The following PCDHB9 variants were observed in gnomAD, a reference collection of about 807,000 sequenced individuals.
PCDHB9 encodes the protein protocadherin beta-9.
For missense variants in PCDHB9, 1,072 were observed against 995.1 expected (o/e 1.08, Z -1.04); for synonymous variants, 501 against 439.7 (o/e 1.14, Z -1.75).
Position 141,188,359 on chromosome 5 carries a change from G to T in PCDHB9, c.1041G>T (p.Leu347=), listed in dbSNP as rs1391369523. 6.2e-7 allele frequency: 1 copy of T among 1,614,136 alleles called. No individual in the cohort carries two copies. Among genetic ancestry groups the T allele is most frequent in the Admixed American group, 1.7e-5 (1 of 60,020 alleles). The change falls in exon 1 of 1, where the codon CTG becomes CTT. Residue 347 remains leucine (L), a synonymous_variant. Coordinates refer to ENST00000316105, the MANE Select transcript of PCDHB9 (RefSeq NM_019119.5). Reference sequence around the variant, plus strand: ...ATTCCAATGACAATCCTCCTGAACTGATCATATCATCACTTTCCAACTCTG... The same window carrying T: ...ATTCCAATGACAATCCTCCTGAACTTATCATATCATCACTTTCCAACTCTG... ...VLDSNDNPPE[L]IISSLSNSVA... is the part of the protein sequence containing the mutation.
Position 141,189,050 on chromosome 5 carries a change from C to A in PCDHB9, c.1732C>A (p.Arg578=), listed in dbSNP as rs782334127. 1 of 1,607,444 alleles carries A rather than the reference C, an allele frequency of 6.2e-7. No homozygotes were observed. The highest frequency in any genetic ancestry group is 8.5e-7 in the Non-Finnish European group (1 of 1,179,120). Reference sequence around the variant, plus strand: ...CGCGCCCTGCACCGAGCTGGTGCCCCGGGCGGCCGAGCCGGGCTACCTGGT... The same window carrying A: ...CGCGCCCTGCACCGAGCTGGTGCCCAGGGCGGCCGAGCCGGGCTACCTGGT... ...GSAPCTELVP[R]AAEPGYLVTK... is the part of the protein sequence containing the mutation. Residue 578 remains arginine, a synonymous_variant, in exon 1 of 1, where the codon CGG becomes AGG. Transcript: ENST00000316105.
chr5:141,187,734 T>C lies in PCDHB9; in HGVS notation c.416T>C (p.Val139Ala). 6.2e-7 allele frequency: 1 copy of C among 1,614,118 alleles called. No homozygotes were observed. The highest frequency in any genetic ancestry group is 8.5e-7 in the Non-Finnish European group (1 of 1,180,038). Residue 139 changes from valine (V) to alanine (A), a missense_variant, in exon 1 of 1, where the codon GTC (valine) becomes GCC (alanine). Physicochemically the swap from Val to Ala is moderately conservative, Grantham distance 64. Coordinates refer to ENST00000316105, the MANE Select transcript of PCDHB9 (RefSeq NM_019119.5). ...CCAGTGTTTCGGCACAAAGAGATGG[T>C]CTTAAAAATATCAGAAAATACAGCT... ...HSPVFRHKEM[V>A]LKISENTAEG...
rs1158691762 is a variant in PCDHB9 at position 141,187,963 on chromosome 5, G to A, written c.645G>A (p.Leu215=). 6.2e-7 allele frequency: 1 copy of A among 1,613,990 alleles called. No homozygotes were observed. The highest frequency in any genetic ancestry group is 8.5e-7 in the Non-Finnish European group (1 of 1,180,030). Reference sequence around the variant, plus strand: ...AGCTCAGCTTAACCCTCACAGCGCTGGATGGTGGGTCTCCATCCAGGTCTG... The same window carrying A: ...AGCTCAGCTTAACCCTCACAGCGCTAGATGGTGGGTCTCCATCCAGGTCTG... ...QEELSLTLTA[L]DGGSPSRSGT... is the part of the protein sequence containing the mutation. Residue 215 remains leucine, a synonymous_variant, in exon 1 of 1, where the codon CTG becomes CTA. Transcript: ENST00000316105.
Position 141,189,685 on chromosome 5 carries a change from C to T in PCDHB9, c.2367C>T (p.Leu789=), listed in dbSNP as rs1753852592. The T allele has an allele frequency of 2.5e-6, 4 of 1,597,920 alleles. No homozygotes were observed. Among genetic ancestry groups the T allele is most frequent in the Non-Finnish European group, 2.6e-6 (3 of 1,172,190 alleles). The part of the protein sequence containing the change: ...GGKEIEENST[L]PNSFGFNY ...AAGAAATAGAGGAAAATTCTACTCT[C>T]CCCAATAGCTTTGGATTTAATTATT... Residue 789 remains leucine (L), a synonymous_variant, in exon 1 of 1, where the codon CTC becomes CTT. Coordinates refer to ENST00000316105, the MANE Select transcript of PCDHB9 (RefSeq NM_019119.5).
rs782004069 is a variant in PCDHB9 at position 141,187,820 on chromosome 5, C to G, written c.502C>G (p.Gln168Glu). Residue 168 changes from glutamine (Q) to glutamate (E), a missense_variant, in exon 1 of 1, where the codon CAA (glutamine) becomes GAA (glutamate). Physicochemically the swap from Gln to Glu is conservative, Grantham distance 29. Transcript: ENST00000316105. ...QDPDEGHNSI[Q>E]NYTISSNSFF... is the part of the protein sequence containing the mutation. ...TCCAGATGAAGGTCATAACAGTATCCAAAACTACACGATCAGCTCCAACTC... is the reference window on the plus strand; with the variant it reads ...TCCAGATGAAGGTCATAACAGTATCGAAAACTACACGATCAGCTCCAACTC... 1.5e-5 allele frequency: 24 copies of G among 1,614,000 alleles called. No homozygotes were observed. Among genetic ancestry groups the G allele is most frequent in the Admixed American group, 1.0e-4 (6 of 59,992 alleles).
chr5:141,188,855 C>T lies in PCDHB9; in HGVS notation c.1537C>T (p.Leu513=), dbSNP rs782657553. The T allele has an allele frequency of 8.1e-6, 13 of 1,612,780 alleles. No homozygotes were observed. The highest frequency in any genetic ancestry group is 1.3e-5 in the African/African-American group (1 of 74,900). The change falls in exon 1 of 1, where the codon CTG becomes TTG. Residue 513 remains leucine (L), a synonymous_variant. Coordinates refer to ENST00000316105, the MANE Select transcript of PCDHB9 (RefSeq NM_019119.5). ...CTCCATCAACGCGGACAATGGCCACCTGTTTGCCCTCAGGTCGCTGGACTA... is the reference window on the plus strand; with the variant it reads ...CTCCATCAACGCGGACAATGGCCACTTGTTTGCCCTCAGGTCGCTGGACTA... ...LVSINADNGH[L]FALRSLDYEA... is the part of the protein sequence containing the mutation.
chr5:141,187,379 T>G lies in PCDHB9; in HGVS notation c.61T>G (p.Trp21Gly). The change falls in exon 1 of 1, where the codon TGG becomes GGG. Residue 21 changes from tryptophan (W) to glycine (G), a missense_variant. Physicochemically the swap from Trp to Gly is radical, Grantham distance 184. Transcript: ENST00000316105. ...QRQVLFLFLF[W>G]GVSLAGSGFG... ...GCAAGTCCTGTTTCTTTTTCTTTTC[T>G]GGGGAGTGTCCTTGGCAGGTTCTGG... The G allele has an allele frequency of 6.2e-7, 1 of 1,614,182 alleles. No homozygotes were observed. Among genetic ancestry groups the G allele is most frequent in the Non-Finnish European group, 8.5e-7 (1 of 1,180,030 alleles).
Position 141,189,886 on chromosome 5 carries a change from A to G in PCDHB9, c.*174A>G, listed in dbSNP as rs1753858248. 3 of 521,178 alleles carry G rather than the reference A, an allele frequency of 5.8e-6. No homozygotes were observed. In the Admixed American group the frequency reaches 1.1e-4, roughly 19 times the overall value. 32.3% of individuals were successfully genotyped at this position (521,178 alleles called of 1,614,324 possible). A position where few individuals can be genotyped will look rare whatever the true frequency, so the allele number is the denominator to read the frequency against. On this transcript the variant is annotated 3_prime_UTR_variant, in exon 1 of 1. Coordinates refer to ENST00000316105, the MANE Select transcript of PCDHB9 (RefSeq NM_019119.5). ...TTCTTATTTTGTATCCTGATGAGGC[A>G]TTTCTTACTAGAATCCCATAAGTGA... is the stretch of plus-strand genomic sequence containing the variant.
rs370566506 is a variant in PCDHB9, at chr5:141,189,430, G to T, written c.2112G>T (p.Ser704=). 5.2e-5 allele frequency: 84 copies of T among 1,611,842 alleles called. No individual in the cohort carries two copies. The highest frequency in any genetic ancestry group is 3.9e-4 in the Middle Eastern group (2 of 5,102). The change falls in exon 1 of 1, where the codon TCG becomes TCT. Residue 704 remains serine, a synonymous_variant. Coordinates refer to ENST00000316105, the MANE Select transcript of PCDHB9 (RefSeq NM_019119.5). ...LASVSSLFLL[S]VLLFVAVRLC... The stretch of plus-strand genomic sequence containing the variant: ...CGGTGTCTTCGCTCTTCCTCCTCTC[G>T]GTGCTCCTGTTCGTGGCGGTGCGGC...
In PCDHB9 at chr5:141,189,509, C is replaced by G. The variant is rs1554283383; in HGVS notation, c.2191C>G (p.Pro731Ala). The stretch of plus-strand genomic sequence containing the variant: ...GGGTCGCTGCTCGGTGCCCGAGGGT[C>G]CTTTTCCAGGGCATCTGGTGGACGT... Reference protein sequence around the residue: ...SVGRCSVPEGPFPGHLVDVSG... With the variant: ...SVGRCSVPEGAFPGHLVDVSG... The change falls in exon 1 of 1, where the codon CCT becomes GCT. Residue 731 changes from proline (P) to alanine (A), a missense_variant. Physicochemically the swap from Pro to Ala is conservative, Grantham distance 27. Transcript: ENST00000316105. 3 of 1,613,992 alleles carry G rather than the reference C, an allele frequency of 1.9e-6. No homozygotes were observed. The highest frequency in any genetic ancestry group is 2.5e-6 in the Non-Finnish European group (3 of 1,180,002).
rs1554283111 is a variant in PCDHB9 at position 141,188,750 on chromosome 5, A to G, written c.1432A>G (p.Arg478Gly). The G allele has an allele frequency of 1.2e-6, 2 of 1,613,104 alleles. No individual in the cohort carries two copies. Among genetic ancestry groups the G allele is most frequent in the Non-Finnish European group, 1.7e-6 (2 of 1,180,036 alleles). ...LHIGSVSATDRDSGTNAQVTY... is the reference protein window; with the variant it reads ...LHIGSVSATDGDSGTNAQVTY... ...CATCGGCAGTGTCAGCGCCACAGAC[A>G]GAGACTCAGGCACCAACGCCCAGGT... Residue 478 changes from arginine to glycine, a missense_variant, in exon 1 of 1, where the codon AGA becomes GGA. Transcript: ENST00000316105.
In PCDHB9 at chr5:141,188,253, T is replaced by C; in HGVS notation, c.935T>C (p.Val312Ala). ...AGAGAATTGCTTGATTATGAGTTAG[T>C]AAATTCTTACAAAATAAATATACAG... ...FLRELLDYEL[V>A]NSYKINIQAM... The change falls in exon 1 of 1, where the codon GTA (valine) becomes GCA (alanine). Residue 312 changes from valine to alanine, a missense_variant. By Grantham distance (64) the Val-to-Ala change is moderately conservative (BLOSUM62 0). Transcript: ENST00000316105. The C allele has an allele frequency of 6.2e-7, 1 of 1,614,030 alleles. No individual in the cohort carries two copies. The highest frequency in any genetic ancestry group is 8.5e-7 in the Non-Finnish European group (1 of 1,179,990).
rs782016560 is a variant in PCDHB9 at position 141,188,032 on chromosome 5, T to C, written c.714T>C (p.Asn238=). The change falls in exon 1 of 1, where the codon AAT becomes AAC. Residue 238 remains asparagine, a synonymous_variant. Coordinates refer to ENST00000316105, the MANE Select transcript of PCDHB9 (RefSeq NM_019119.5). ...TTGTGGTCTTGGATGTCAATGACAA[T>C]GTCCCACAGTTTGCCCAGGCTCTGT... The part of the protein sequence containing the change: ...IRIVVLDVND[N]VPQFAQALYE... The C allele has an allele frequency of 2.5e-6, 4 of 1,614,036 alleles. No homozygotes were observed. Among genetic ancestry groups the C allele is most frequent in the Non-Finnish European group, 3.4e-6 (4 of 1,179,998 alleles).
In PCDHB9 at chr5:141,188,184, TAAC is replaced by T. The variant is rs1182640972; in HGVS notation, c.870_872del (p.Thr291del). The T allele has an allele frequency of 3.1e-6, 5 of 1,610,956 alleles. No homozygotes were observed. In the African/African-American group the frequency reaches 4.0e-5, roughly 13 times the overall value. On this transcript the variant is annotated inframe_deletion, in exon 1 of 1. Transcript: ENST00000316105. ...TTTTTTGATGCTTCTGAAGATATTT[TAAC>T]AACGTTTCAAATCAATCCTTTTTCT...
chr5:141,188,528 A>T lies in PCDHB9; in HGVS notation c.1210A>T (p.Met404Leu). The T allele has an allele frequency of 6.2e-7, 1 of 1,614,186 alleles. No homozygotes were observed. Among genetic ancestry groups the T allele is most frequent in the South Asian group, 1.1e-5 (1 of 91,084 alleles). The change falls in exon 1 of 1, where the codon ATG (methionine) becomes TTG (leucine). Residue 404 changes from methionine to leucine, a missense_variant. Physicochemically the swap from Met to Leu is conservative, Grantham distance 15. Coordinates refer to ENST00000316105, the MANE Select transcript of PCDHB9 (RefSeq NM_019119.5). ...GTCTGTTGACAATTTTTACATCCTA[A>T]TGACTGAAGGTGCACTGGACAGAGA... ...KPSVDNFYIL[M>L]TEGALDRESK...
rs782380428 is a variant in PCDHB9, at chr5:141,189,160, G to A, written c.1842G>A (p.Leu614=). The A allele has an allele frequency of 1.9e-5, 30 of 1,601,472 alleles. No individual in the cohort carries two copies. The highest frequency in any genetic ancestry group is 5.0e-5 in the Admixed American group (3 of 59,924). The change falls in exon 1 of 1, where the codon CTG becomes CTA. Residue 614 remains leucine, a synonymous_variant. Transcript: ENST00000316105. Reference sequence around the variant, plus strand: ...TGCTCAAGGCCACGGAGCCCGGGCTGTTCGGTGTGTGGGCGCACAATGGGG... The same window carrying A: ...TGCTCAAGGCCACGGAGCCCGGGCTATTCGGTGTGTGGGCGCACAATGGGG... ...YQLLKATEPG[L]FGVWAHNGEV...
rs1753795414 is a variant in PCDHB9, at chr5:141,188,409, T to C, written c.1091T>C (p.Val364Ala). ...NSVAENSPGIVLAVFKIKDRD... is the reference protein window; with the variant it reads ...NSVAENSPGIALAVFKIKDRD... Reference sequence around the variant, plus strand: ...GTTGCTGAAAACTCTCCTGGGATAGTATTGGCTGTTTTTAAGATTAAAGAC... The same window carrying C: ...GTTGCTGAAAACTCTCCTGGGATAGCATTGGCTGTTTTTAAGATTAAAGAC... The change falls in exon 1 of 1, where the codon GTA (valine) becomes GCA (alanine). Residue 364 changes from valine to alanine, a missense_variant. Val to Ala is a moderately conservative substitution (Grantham distance 64, BLOSUM62 0). Transcript: ENST00000316105. The C allele has an allele frequency of 1.2e-6, 2 of 1,614,106 alleles. No individual in the cohort carries two copies. The highest frequency in any genetic ancestry group is 1.7e-6 in the Non-Finnish European group (2 of 1,179,984).
At position 141,188,947 on chromosome 5, in the gene PCDHB9, C is replaced by T. The variant is rs373422120; in HGVS notation, c.1629C>T (p.Ser543=). Residue 543 remains serine (S), a synonymous_variant, in exon 1 of 1, where the codon AGC becomes AGT. Transcript: ENST00000316105. ...ASDRGSPALS[S]EALVRVLVLD... The stretch of plus-strand genomic sequence containing the variant: ...ACCGCGGCTCCCCGGCTTTGAGCAG[C>T]GAGGCGCTGGTGCGCGTACTGGTGC... 3 of 1,611,934 alleles carry T rather than the reference C, an allele frequency of 1.9e-6. No homozygotes were observed. In the South Asian group the frequency reaches 3.3e-5, roughly 18 times the overall value.
chr5:141,187,310 G>C lies in PCDHB9; in HGVS notation c.-9G>C, dbSNP rs1554282755. On this transcript the variant is annotated 5_prime_UTR_variant, in exon 1 of 1. Transcript: ENST00000316105. Reference sequence around the variant, plus strand: ...GTGATTGAGACTGACATTGAGGAAAGAAGCAGCTATGAAGACCAGGGGGTT... The same window carrying C: ...GTGATTGAGACTGACATTGAGGAAACAAGCAGCTATGAAGACCAGGGGGTT... 6.2e-7 allele frequency: 1 copy of C among 1,610,242 alleles called. No individual in the cohort carries two copies. Among genetic ancestry groups the C allele is most frequent in the African/African-American group, 1.3e-5 (1 of 74,802 alleles).
Sources: gnomAD v4.1 joint callset for allele counts on GRCh38, gnomAD v4.1.1 for gene constraint, MANE v1.5 for transcripts, NCBI Gene and HGNC (gene_info 2026-07-23, HGNC 2026-07-21) for gene names.